The following CEBPG variants were observed in gnomAD, a reference collection of about 807,000 sequenced individuals.
The protein encoded by CEBPG is CCAAT/enhancer-binding protein gamma.
In CEBPG, 6 loss-of-function variants were observed where a neutral mutation model predicts 11.1. The ratio of observed to expected loss-of-function variants is 0.54; its 90% CI spans 0.30 to 1.07. The LOEUF (loss-of-function observed/expected upper bound fraction) is 1.07, where lower values mean the gene tolerates loss of function less well. CEBPG is among the 50% of genes least tolerant of loss of function. CEBPG has a pLI of 0.07. For missense variants in CEBPG, 161 were observed against 187.4 expected (o/e 0.86, Z 0.82); for synonymous variants, 66 against 71.0 (o/e 0.93, Z 0.36).
rs1392882661 is a variant in CEBPG, at chr19:33,381,880, A to G, written c.*2188A>G. On this transcript the variant is annotated 3_prime_UTR_variant, in exon 2 of 2. Transcript: ENST00000284000. The stretch of plus-strand genomic sequence containing the variant: ...AATGCAAAGTTTAGCAGAAGCAAGC[A>G]ATTAGGCAGAGAACAAAAATGTTAA... 1.2e-5 allele frequency: 2 copies of G among 167,128 alleles called. No homozygotes were observed. The highest frequency in any genetic ancestry group is 2.9e-5 in the Non-Finnish European group (2 of 68,136). 10.4% of individuals were successfully genotyped at this position (167,128 alleles called of 1,614,324 possible). A position where few individuals can be genotyped will look rare whatever the true frequency, so the allele number is the denominator to read the frequency against.
Position 33,379,626 on chromosome 19 carries a change from T to G in CEBPG, c.387T>G (p.Leu129=). 1.9e-6 allele frequency: 3 copies of G among 1,614,152 alleles called. No homozygotes were observed. In the Admixed American group the frequency reaches 5.0e-5, roughly 27 times the overall value. Residue 129 remains leucine (L), a synonymous_variant, in exon 2 of 2, where the codon CTT becomes CTG. Transcript: ENST00000284000. ...KDLFLEHAHN[L]ADNVQSISTE... ...TGTTTCTTGAGCATGCACACAACCT[T>G]GCAGACAACGTACAGTCCATTAGCA...
Position 33,382,194 on chromosome 19 carries a change from G to A in CEBPG, c.*2502G>A, listed in dbSNP as rs1038028674. 5 of 167,144 alleles carry A rather than the reference G, an allele frequency of 3.0e-5. No individual in the cohort carries two copies. Among genetic ancestry groups the A allele is most frequent in the Admixed American group, 1.3e-4 (2 of 15,284 alleles). 10.4% of individuals were successfully genotyped at this position (167,144 alleles called of 1,614,324 possible). A position where few individuals can be genotyped will look rare whatever the true frequency, so the allele number is the denominator to read the frequency against. On this transcript the variant is annotated 3_prime_UTR_variant, in exon 2 of 2. Coordinates refer to ENST00000284000, the MANE Select transcript of CEBPG (RefSeq NM_001806.4). ...GTGCTCTTTGGCTGGTTTTGGCTGC[G>A]GATGGTGAGATCAGAGCAGCTCTTC...
At position 33,380,444 on chromosome 19, in the gene CEBPG, A is replaced by G. The variant is rs1272754871; in HGVS notation, c.*752A>G. 6.0e-6 allele frequency: 1 copy of G among 166,972 alleles called. No homozygotes were observed. Among genetic ancestry groups the G allele is most frequent in the Non-Finnish European group, 1.5e-5 (1 of 68,128 alleles). 10.3% of individuals were successfully genotyped at this position (166,972 alleles called of 1,614,324 possible). On this transcript the variant is annotated 3_prime_UTR_variant, in exon 2 of 2. Transcript: ENST00000284000. The stretch of plus-strand genomic sequence containing the variant: ...GCTTAGATTGGCATTGTTTTATTCT[A>G]AAAACCCAACTCAGTGGTGTAGAGA...
chr19:33,379,990 C>A lies in CEBPG; in HGVS notation c.*298C>A. ...ATGTTCTTAATAAATCCTGACTTCC[C>A]AAGAAATGCTTCTTTTTTAAGTTGA... On this transcript the variant is annotated 3_prime_UTR_variant, in exon 2 of 2. Coordinates refer to ENST00000284000, the MANE Select transcript of CEBPG (RefSeq NM_001806.4). The A allele has an allele frequency of 3.9e-6, 1 of 259,496 alleles. No homozygotes were observed. Among genetic ancestry groups the A allele is most frequent in the Non-Finnish European group, 7.8e-6 (1 of 128,566 alleles). The allele number at this position is 259,496 out of a possible 1,614,324, so 16.1% of individuals were successfully genotyped here. A position where few individuals can be genotyped will look rare whatever the true frequency, so the allele number is the denominator to read the frequency against.
Position 33,379,652 on chromosome 19 carries a change from C to G in CEBPG, c.413C>G (p.Thr138Ser), listed in dbSNP as rs760316771. The change falls in exon 2 of 2, where the codon ACT becomes AGT. Residue 138 changes from threonine (T) to serine (S), a missense_variant. Thr to Ser is a moderately conservative substitution (Grantham distance 58). Coordinates refer to ENST00000284000, the MANE Select transcript of CEBPG (RefSeq NM_001806.4). ...NLADNVQSIS[T>S]ENTTADGDNA... ...GCAGACAACGTACAGTCCATTAGCA[C>G]TGAAAATACGACAGCAGATGGCGAC... 1.9e-6 allele frequency: 3 copies of G among 1,613,262 alleles called. No homozygotes were observed. Among genetic ancestry groups the G allele is most frequent in the Non-Finnish European group, 2.5e-6 (3 of 1,179,420 alleles).
At chr19:33,375,317 A>T (rs1236620535) in intron 1 of CEBPG, among the ~76,000 whole-genome samples, 1 of 152,208 alleles carries the variant, frequency 6.6e-6, no homozygotes, top group Non-Finnish European at 1.5e-5. Context: ...AAAGACAAAT[A>T]GGACCTCGTG....
chr19:33,375,850 A>T (rs1168195511), intron 1 of CEBPG, among the ~76,000 whole-genome samples: 3 of 152,138 alleles, frequency 2.0e-5, no homozygotes, highest in African/African-American at 7.2e-5. Flanking sequence ...GGGAGGAGAG[A>T]GGGTCAGGAC....
In CEBPG at chr19:33,379,272, A is replaced by G; in HGVS notation, c.33A>G (p.Pro11=). 1 of 1,580,942 alleles carries G rather than the reference A, an allele frequency of 6.3e-7. No individual in the cohort carries two copies. Among genetic ancestry groups the G allele is most frequent in the Non-Finnish European group, 8.6e-7 (1 of 1,162,852 alleles). Residue 11 remains proline, a synonymous_variant, in exon 2 of 2, where the codon CCA becomes CCG. Transcript: ENST00000284000. Reference sequence around the variant, plus strand: ...AGATATCGCAGCAAAACAGCACTCCAGGGGTGAACGGAATTAGTGTTATCC... The same window carrying G: ...AGATATCGCAGCAAAACAGCACTCCGGGGGTGAACGGAATTAGTGTTATCC... The part of the protein sequence containing the change: MSKISQQNST[P]GVNGISVIHT...
Position 33,379,133 on chromosome 19 carries a change from T to G in CEBPG, c.-96-11T>G, listed in dbSNP as rs1038711045. The G allele has an allele frequency of 1.0e-6, 1 of 952,432 alleles. No individual in the cohort carries two copies. The highest frequency in any genetic ancestry group is 1.5e-6 in the Non-Finnish European group (1 of 663,400). 59.0% of individuals were successfully genotyped at this position (952,432 alleles called of 1,614,324 possible). ...TTTCAAATATTTTAATGCAATTTAT[T>G]TTTTAACTAGGTACATGTGAAGATT... On this transcript the variant is annotated splice_polypyrimidine_tract_variant and intron_variant, in intron 1 of 1. Transcript: ENST00000284000.
intron 1 of CEBPG, among the ~76,000 whole-genome samples, chr19:33,378,413 T>G (rs993170561): frequency 3.9e-5 from 6 of 152,186 alleles, no homozygotes; most frequent in African/African-American, 1.4e-4. Flanking sequence ...GGTTTCAGGT[T>G]GAGTGTGTTT....
chr19:33,381,697 G>T lies in CEBPG; in HGVS notation c.*2005G>T, dbSNP rs1967991463. On this transcript the variant is annotated 3_prime_UTR_variant, in exon 2 of 2. Transcript: ENST00000284000. ...CATTTAAATCTCTTGGGAATTCGAT[G>T]CTCCCATGGAATTTATACCAGTTAT... The T allele has an allele frequency of 6.0e-6, 1 of 167,058 alleles. No individual in the cohort carries two copies. The highest frequency in any genetic ancestry group is 2.4e-5 in the African/African-American group (1 of 41,426). The allele number at this position is 167,058 out of a possible 1,614,324, so 10.3% of individuals were successfully genotyped here. A position where few individuals can be genotyped will look rare whatever the true frequency, so the allele number is the denominator to read the frequency against.
Position 33,379,701 on chromosome 19 carries a change from C to G in CEBPG, c.*9C>G, listed in dbSNP as rs758840314. On this transcript the variant is annotated 3_prime_UTR_variant, in exon 2 of 2. Transcript: ENST00000284000. ...ACAATGCAGGACAGTAGACCTCACC[C>G]TTTCCAGACTTTAGAGCTTGTGGCT... is the stretch of plus-strand genomic sequence containing the variant. 8.8e-6 allele frequency: 14 copies of G among 1,593,488 alleles called. No individual in the cohort carries two copies. The highest frequency in any genetic ancestry group is 8.6e-6 in the Non-Finnish European group (10 of 1,166,918).
chr19:33,373,726 G>C lies in CEBPG; in HGVS notation c.-266G>C, dbSNP rs1047913568. The C allele has an allele frequency of 1.3e-5, 2 of 151,058 alleles. No homozygotes were observed. Among genetic ancestry groups the C allele is most frequent in the African/African-American group, 2.4e-5 (1 of 41,150 alleles). 9.4% of individuals were successfully genotyped at this position (151,058 alleles called of 1,614,324 possible). ...GCGGCGGCGCGCGCGGCCCCGGCGA[G>C]CAGGGGAAGCCGGTGGCCGCGGCTG... On this transcript the variant is annotated 5_prime_UTR_variant, in exon 1 of 2. Transcript: ENST00000284000.
rs1178214409 is a variant in CEBPG at position 33,380,551 on chromosome 19, ATATCT to A, written c.*862_*866del. On this transcript the variant is annotated 3_prime_UTR_variant, in exon 2 of 2. Transcript: ENST00000284000. ...TTTGACAACCAAGTTAGTAAACAAA[ATATCT>A]TAACAGTTTGATGACACAAGCTACT... 5 of 167,094 alleles carry A rather than the reference ATATCT, an allele frequency of 3.0e-5. No individual in the cohort carries two copies. Among genetic ancestry groups the A allele is most frequent in the South Asian group, 2.1e-4 (1 of 4,834 alleles). The allele number at this position is 167,094 out of a possible 1,614,324, so 10.4% of individuals were successfully genotyped here.
chr19:33,379,029 G>A, intron 1 of CEBPG, 115 bp from the exon 2 acceptor site: 2 of 467,090 alleles, frequency 4.3e-6, no homozygotes, highest in Non-Finnish European at 7.5e-6. Context: ...GGCAGTTGCT[G>A]TAGACTTTTC....
At chr19:33,374,307 T>A (rs571319621) in intron 1 of CEBPG, 36 of 152,092 alleles carry the variant, frequency 2.4e-4, no homozygotes, top group African/African-American at 8.7e-4. Context: ...GTTCCCAGAA[T>A]AGCAGAAGGT....
intron 1 of CEBPG, among the ~76,000 whole-genome samples, chr19:33,374,834 T>C (rs1967893168): frequency 6.6e-6 from 1 of 152,246 alleles, no homozygotes; most frequent in South Asian, 2.1e-4. Context: ...AATTGACTGC[T>C]TATATGAATA....
Position 33,379,515 on chromosome 19 carries a change from G to T in CEBPG, c.276G>T (p.Gln92His), listed in dbSNP as rs372349025. The part of the protein sequence containing the change: ...KSKQKAQDTL[Q>H]RVNQLKEENE... ...AGCAGAAAGCACAAGACACACTGCA[G>T]AGAGTCAATCAGCTCAAAGAAGAGA... is the stretch of plus-strand genomic sequence containing the variant. The change falls in exon 2 of 2, where the codon CAG (glutamine) becomes CAT (histidine). Residue 92 changes from glutamine (Q) to histidine (H), a missense_variant. Coordinates refer to ENST00000284000, the MANE Select transcript of CEBPG (RefSeq NM_001806.4). 6 of 1,613,946 alleles carry T rather than the reference G, an allele frequency of 3.7e-6. No individual in the cohort carries two copies. The African/African-American group carries it at 6.7e-5, about 18-fold the overall frequency.
At position 33,380,419 on chromosome 19, in the gene CEBPG, G is replaced by T. The variant is rs1212122145; in HGVS notation, c.*727G>T. 1.2e-5 allele frequency: 2 copies of T among 166,784 alleles called. No individual in the cohort carries two copies. Among genetic ancestry groups the T allele is most frequent in the African/African-American group, 2.4e-5 (1 of 41,444 alleles). 10.3% of individuals were successfully genotyped at this position (166,784 alleles called of 1,614,324 possible). The stretch of plus-strand genomic sequence containing the variant: ...AATTATGTTTTTGAGATACCTTTGG[G>T]CTTAGATTGGCATTGTTTTATTCTA... On this transcript the variant is annotated 3_prime_UTR_variant, in exon 2 of 2. Transcript: ENST00000284000.
Sources: gnomAD v4.1 joint callset for allele counts (sites outside exome capture counted in the v4.1 genomes callset) on GRCh38, gnomAD v4.1.1 for gene constraint, MANE v1.5 for transcripts, NCBI Gene and HGNC (gene_info 2026-07-23, HGNC 2026-07-21) for gene names.